EDA: variants seen among roughly 807,000 people sequenced by gnomAD.
EDA encodes the protein ectodysplasin-A.
A neutral mutation model predicts 23.6 loss-of-function variants in EDA; 2 were observed. The observed-to-expected ratio is 0.08, with a 90% CI of 0.03 to 0.27. EDA has a LOEUF of 0.27. Among genes scored for constraint, EDA ranks in the 10% least tolerant of loss-of-function variants. The probability of loss-of-function intolerance (pLI) is 1.00; values close to 1 mark genes in which losing one functional copy is unlikely to be tolerated. For synonymous variants in EDA, 131 were observed against 132.0 expected (o/e 0.99, Z 0.05); for missense variants, 229 against 324.2 (o/e 0.71, Z 2.26).
In EDA at chrX:69,692,820, G is replaced by A. The variant is rs1468338966; in HGVS notation, c.396+76116G>A. On this transcript the variant is annotated intron_variant, in intron 1 of 7. Transcript: ENST00000374552. ...TTTATTATTGATGCTTTGGGTTTGT[G>A]TCCCTGCCCAAATCATGTTATTGTA... 2.7e-5 allele frequency: 3 copies of A among 111,624 alleles called. No homozygotes were observed. The Admixed American group carries it at 2.9e-4, about 11-fold the overall frequency. The allele number at this position is 111,624 out of a possible 1,213,427, so 9.2% of individuals were successfully genotyped here. A position where few individuals can be genotyped will look rare whatever the true frequency, so the allele number is the denominator to read the frequency against.
At chrX:69,818,779 A>G (rs892812411) in intron 1 of EDA, among the ~76,000 whole-genome samples, 1 of 111,922 alleles carries the variant, frequency 8.9e-6, no homozygotes, top group African/African-American at 3.2e-5. Flanking sequence ...GCAGAATTCT[A>G]CCAGATGTAC....
rs67241807 is a variant in EDA, at chrX:69,793,570, GTTT to G, written c.397-163440_397-163438del. Among the ~76,000 whole-genome samples the G allele has an allele frequency of 1.1e-3, 62 of 58,769 alleles. 1 individual carries two copies. Among genetic ancestry groups the G allele is most frequent in the African/African-American group, 3.9e-3 (53 of 13,649 alleles). 51.0% of individuals were successfully genotyped at this position (58,769 alleles called of 115,157 possible). A position where few individuals can be genotyped will look rare whatever the true frequency, so the allele number is the denominator to read the frequency against. On this transcript the variant is annotated intron_variant, in intron 1 of 7. Transcript: ENST00000374552. ...GCTTTTTGTTTGTTTGTTTGTTTTT[GTTT>G]TTTTTTTTTTTTTTTTGCTCCCGCT...
intron 1 of EDA, among the ~76,000 whole-genome samples, chrX:69,852,019 A>G (rs1448936001): frequency 8.9e-6 from 1 of 112,302 alleles, no homozygotes; most frequent in Non-Finnish European, 1.9e-5. Flanking sequence ...AAGGCATGTT[A>G]TATCCTACAG....
chrX:69,919,915 C>G (rs1158653155), intron 1 of EDA, among the ~76,000 whole-genome samples: 2 of 111,587 alleles, frequency 1.8e-5, no homozygotes, highest in Admixed American at 9.5e-5. Context: ...TAACTGCAGG[C>G]TAAGTTATTT....
chrX:69,655,762 C>CTATATATATATATATATATATA (rs3077261), intron 1 of EDA, among the ~76,000 whole-genome samples: 1,046 of 52,210 alleles, frequency 0.02, 98 homozygotes, highest in East Asian at 0.078. Flanking sequence ...TCATTAGAAT[C>CTATATATATATATATATATATA]TATATATATA....
At chrX:69,785,043 T>C (rs1437229735) in intron 1 of EDA, among the ~76,000 whole-genome samples, 2 of 108,538 alleles carry the variant, frequency 1.8e-5, no homozygotes, top group East Asian at 2.9e-4. Flanking sequence ...TATTTTATTC[T>C]CTTGGAAGCA....
At chrX:69,856,018 A>G (rs1602486042) in intron 1 of EDA, among the ~76,000 whole-genome samples, 1 of 110,034 alleles carries the variant, frequency 9.1e-6, no homozygotes, top group East Asian at 2.9e-4. Context: ...ACTGCACCTT[A>G]TTTGTAGTCT....
chrX:69,787,873 A>T (rs2015249911), intron 1 of EDA, among the ~76,000 whole-genome samples: 1 of 111,558 alleles, frequency 9.0e-6, no homozygotes, highest in African/African-American at 3.3e-5. Flanking sequence ...CCTGGATAAT[A>T]TCCTGCAGAG....
At chrX:69,645,044 A>G (rs771707028) in intron 1 of EDA, among the ~76,000 whole-genome samples, 7 of 111,312 alleles carry the variant, frequency 6.3e-5, no homozygotes, top group Non-Finnish European at 1.3e-4. Context: ...CACCAAGGAT[A>G]TTGGCCTAAC....
At chrX:70,007,632 C>T (rs889919375) in intron 2 of EDA, among the ~76,000 whole-genome samples, 5 of 111,047 alleles carry the variant, frequency 4.5e-5, no homozygotes, top group Admixed American at 2.9e-4. Context: ...TTCATAGCAG[C>T]ATGAAAATGG....
intron 1 of EDA, among the ~76,000 whole-genome samples, chrX:69,671,928 T>C (rs899241290): frequency 2.7e-5 from 3 of 112,275 alleles, no homozygotes; most frequent in Non-Finnish European, 5.6e-5. Context: ...TAGAGACACT[T>C]ATATAAAGTT....
intron 1 of EDA, among the ~76,000 whole-genome samples, chrX:69,661,618 T>G (rs763327422): frequency 4.5e-5 from 5 of 111,300 alleles, no homozygotes; most frequent in South Asian, 7.6e-4. Context: ...TTTACCCATT[T>G]CTTGTTTTTG....
At chrX:69,842,648 C>T (rs2016919045) in intron 1 of EDA, among the ~76,000 whole-genome samples, 1 of 111,543 alleles carries the variant, frequency 9.0e-6, no homozygotes, top group Non-Finnish European at 1.9e-5. Context: ...ATCTGTGTCC[C>T]CACCCAAATC....
intron 1 of EDA, among the ~76,000 whole-genome samples, chrX:69,702,446 AAAG>A (rs1382869931): frequency 1.8e-5 from 2 of 110,546 alleles, no homozygotes. Context: ...AGGTGTAGGA[AAAG>A]AAGTGGATAC....
chrX:69,757,264 A>G (rs1436912574), intron 1 of EDA, among the ~76,000 whole-genome samples: 1 of 111,334 alleles, frequency 9.0e-6, no homozygotes, highest in Non-Finnish European at 1.9e-5. Flanking sequence ...TAGTTAAGCT[A>G]TGTCTCTTTA....
At chrX:69,924,222 C>T (rs755127235) in intron 1 of EDA, among the ~76,000 whole-genome samples, 4 of 111,428 alleles carry the variant, frequency 3.6e-5, no homozygotes, top group Non-Finnish European at 7.5e-5. Flanking sequence ...TTGGCATTTT[C>T]GTCATGAAGT....
chrX:70,023,705 A>C (rs1319275481), intron 3 of EDA, among the ~76,000 whole-genome samples: 2 of 109,524 alleles, frequency 1.8e-5, no homozygotes, highest in African/African-American at 6.7e-5. Flanking sequence ...CTGTGTCACC[A>C]TGTAGGAACT....
At chrX:69,640,516 G>C (rs1394686418) in intron 1 of EDA, among the ~76,000 whole-genome samples, 1 of 111,028 alleles carries the variant, frequency 9.0e-6, no homozygotes, top group Non-Finnish European at 1.9e-5. Context: ...TATGGGTATG[G>C]AGTTACCTTG....
At chrX:69,840,934 C>T (rs2016882258) in intron 1 of EDA, among the ~76,000 whole-genome samples, 1 of 111,793 alleles carries the variant, frequency 8.9e-6, no homozygotes, top group Non-Finnish European at 1.9e-5. Flanking sequence ...AAGGAAGAGC[C>T]TTCATGGCCT....
Sources: gnomAD v4.1 joint callset for allele counts (sites outside exome capture counted in the v4.1 genomes callset) on GRCh38, gnomAD v4.1.1 for gene constraint, MANE v1.5 for transcripts, NCBI Gene and HGNC (gene_info 2026-07-23, HGNC 2026-07-21) for gene names.